CPZ: variants seen among roughly 807,000 people sequenced by gnomAD.
The protein encoded by CPZ is VEZT/CPZ fusion.
CPZ carries 103 observed loss-of-function variants against 61.8 expected under a neutral mutation model. That is an observed-to-expected ratio of 1.67 (90% CI 1.42 to 1.96). CPZ has a LOEUF of 1.96. CPZ is among the 30% of genes most tolerant of loss of function. CPZ has a pLI of 0.00. For synonymous variants in CPZ, 551 were observed against 373.7 expected (o/e 1.47, Z -5.47); for missense variants, 1,461 against 914.9 (o/e 1.60, Z -7.70).
intron 7 of CPZ, chr4:8,611,097 CACTCACTCACTCACTG>C: frequency 7.3e-6 from 3 of 409,068 alleles, no homozygotes; most frequent in South Asian, 5.0e-5. Context: ...TTCACTCACT[CACTCACTCACTCACTG>C]GGCCCTGCCT....
intron 9 of CPZ, among the ~76,000 whole-genome samples, chr4:8,617,041 G>A (rs1461228389): frequency 6.6e-6 from 1 of 152,208 alleles, no homozygotes; most frequent in East Asian, 1.9e-4. Context: ...TAGACTGGGT[G>A]CCCACTCCCC....
rs1321281773 is a variant in CPZ, at chr4:8,619,380, TG to T, written c.1724del (p.Gly575AlafsTer67). The T allele has an allele frequency of 1.2e-6, 2 of 1,614,222 alleles. No individual in the cohort carries two copies. The highest frequency in any genetic ancestry group is 2.2e-5 in the South Asian group (2 of 91,082). On this transcript the variant is annotated frameshift_variant, in exon 11 of 11. Coordinates refer to ENST00000360986, the MANE Select transcript of CPZ (RefSeq NM_001014447.3). LOFTEE classifies it low-confidence loss of function (END_TRUNC). The part of the protein sequence containing the change: ...VIIPARMKRA[G>X]RVDFILQPLG... ...TCATCCCCGCCCGGATGAAGAGGGC[TG>T]GCCGTGTGGACTTCATTCTGCAACC...
chr4:8,608,648 G>GTGTGTGTATA (rs1715257846), intron 7 of CPZ, among the ~76,000 whole-genome samples: 1 of 152,024 alleles, frequency 6.6e-6, no homozygotes, highest in Non-Finnish European at 1.5e-5. Flanking sequence ...GCACGTGTGT[G>GTGTGTGTATA]CGTGTGCATG....
Position 8,601,099 on chromosome 4 carries a change from G to C in CPZ, c.122-24G>C, listed in dbSNP as rs751470582. ...GGTCAGGGCCACTGCAGGAGGGACT[G>C]ACCTGCCGACCCTGCCTCCCCAGCC... is the stretch of plus-strand genomic sequence containing the variant. On this transcript the variant is annotated intron_variant, in intron 2 of 10. Transcript: ENST00000360986. 1.0e-5 allele frequency: 16 copies of C among 1,550,842 alleles called. 1 individual carries two copies. The South Asian group carries it at 1.6e-4, about 16-fold the overall frequency.
At chr4:8,614,224 C>T (rs1298992697) in intron 8 of CPZ, 135 bp from the exon 9 acceptor site, 2 of 1,246,198 alleles carry the variant, frequency 1.6e-6, no homozygotes, top group Non-Finnish European at 2.2e-6. Context: ...TTGGCTGACA[C>T]CCCGACGTCC....
At chr4:8,611,179 A>T (rs1715642583) in intron 7 of CPZ, 1 of 449,820 alleles carries the variant, frequency 2.2e-6, no homozygotes, top group African/African-American at 2.0e-5. Flanking sequence ...CCCCCTCCTC[A>T]GCACAGACCT....
At chr4:8,613,587 G>C (rs1286127069) in intron 8 of CPZ, among the ~76,000 whole-genome samples, 1 of 152,240 alleles carries the variant, frequency 6.6e-6, no homozygotes, top group Non-Finnish European at 1.5e-5. Context: ...TTGAACTTCA[G>C]AAGGGCGTGG....
At position 8,601,427 on chromosome 4, in the gene CPZ, C is replaced by T. The variant is rs1714568829; in HGVS notation, c.426C>T (p.Tyr142=). ...AFDAIDMAWP[Y]FLDCHRYFTR... is the part of the protein sequence containing the mutation. ...ACGCCATTGACATGGCCTGGCCCTA[C>T]TTCCTTGACTGCCACCGCTACTTCA... Residue 142 remains tyrosine (Y), a synonymous_variant, in exon 3 of 11, where the codon TAC becomes TAT. Transcript: ENST00000360986. 2.6e-6 allele frequency: 4 copies of T among 1,563,712 alleles called. No individual in the cohort carries two copies. In the East Asian group the frequency reaches 7.0e-5, roughly 27 times the overall value.
intron 9 of CPZ, among the ~76,000 whole-genome samples, chr4:8,617,112 A>C (rs1390001175): frequency 6.6e-6 from 1 of 152,224 alleles, no homozygotes; most frequent in Non-Finnish European, 1.5e-5. Context: ...GTTAGGTGCC[A>C]CAGGGTCTGA....
At chr4:8,596,961 C>G (rs1450050684) in intron 1 of CPZ, among the ~76,000 whole-genome samples, 1 of 152,216 alleles carries the variant, frequency 6.6e-6, no homozygotes, top group Non-Finnish European at 1.5e-5. Context: ...GTTCCAGGTT[C>G]ACCCAAGCTC....
intron 6 of CPZ, 116 bp from the exon 7 acceptor site, chr4:8,607,151 T>G: frequency 7.7e-7 from 1 of 1,291,676 alleles, no homozygotes; most frequent in Non-Finnish European, 1.1e-6. Flanking sequence ...TGCGTTGATG[T>G]AGAGACCGTT....
intron 5 of CPZ, among the ~76,000 whole-genome samples, chr4:8,606,524 A>G (rs992153978): frequency 3.3e-5 from 5 of 152,050 alleles, no homozygotes; most frequent in African/African-American, 1.2e-4. Context: ...ACTCAGGGGG[A>G]GCAGCCAGGG....
intron 2 of CPZ, chr4:8,599,748 C>G (rs1714437518): frequency 3.2e-6 from 2 of 618,206 alleles, no homozygotes; most frequent in Non-Finnish European, 5.1e-6. Context: ...CCATCCCTCT[C>G]CAGTCCCCAC....
Position 8,607,367 on chromosome 4 carries a change from T to A in CPZ, c.1169T>A (p.Phe390Tyr). ...HGGDLVVSYP[F>Y]DFSKHPQEEK... ...GGCGACCTGGTGGTGTCCTACCCCT[T>A]CGACTTCTCCAAGCACCCCCAGGAG... Residue 390 changes from phenylalanine (F) to tyrosine (Y), a missense_variant, in exon 7 of 11, where the codon TTC (phenylalanine) becomes TAC (tyrosine). Physicochemically the swap from Phe to Tyr is conservative, Grantham distance 22. Transcript: ENST00000360986. The A allele has an allele frequency of 6.2e-7, 1 of 1,614,052 alleles. No individual in the cohort carries two copies. The highest frequency in any genetic ancestry group is 8.5e-7 in the Non-Finnish European group (1 of 1,179,950).
chr4:8,615,730 G>A (rs1716109241), intron 9 of CPZ, among the ~76,000 whole-genome samples: 1 of 152,352 alleles, frequency 6.6e-6, no homozygotes, highest in African/African-American at 2.4e-5. Flanking sequence ...GAGTGACATG[G>A]CCTGTCTGGT....
chr4:8,599,501 C>T lies in CPZ; in HGVS notation c.121+16C>T, dbSNP rs746850447. ...GCAGACAGCGGTACAGTACCGGGAC[C>T]TCCCTGGCTTCTGTTCTGTAGGAGG... On this transcript the variant is annotated intron_variant, in intron 2 of 10. Coordinates refer to ENST00000360986, the MANE Select transcript of CPZ (RefSeq NM_001014447.3). 2.5e-6 allele frequency: 4 copies of T among 1,613,646 alleles called. No individual in the cohort carries two copies. The highest frequency in any genetic ancestry group is 4.5e-5 in the East Asian group (2 of 44,858).
chr4:8,614,324 A>T (rs1292282276), intron 8 of CPZ, 35 bp from the exon 9 acceptor site: 1 of 1,593,094 alleles, frequency 6.3e-7, no homozygotes. Context: ...TGTGCGGCTG[A>T]CACCCCTGAC....
At chr4:8,616,912 C>T (rs1716220752) in intron 9 of CPZ, among the ~76,000 whole-genome samples, 1 of 152,198 alleles carries the variant, frequency 6.6e-6, no homozygotes, top group Non-Finnish European at 1.5e-5. Flanking sequence ...CTGTCAGTCC[C>T]TCTCCATCGC....
At chr4:8,601,702 C>T (rs1282989110) in intron 3 of CPZ, among the ~76,000 whole-genome samples, 1 of 152,142 alleles carries the variant, frequency 6.6e-6, no homozygotes, top group Non-Finnish European at 1.5e-5. Context: ...GATGGAGGAT[C>T]CTCTCGCTGC....
Sources: allele counts gnomAD v4.1 joint callset (sites outside exome capture counted in the v4.1 genomes callset), GRCh38; gene constraint gnomAD v4.1.1; transcripts MANE v1.5; gene names NCBI Gene and HGNC (gene_info 2026-07-23, HGNC 2026-07-21).